The following EDIL3 variants were observed in gnomAD, a reference collection of about 807,000 sequenced individuals.
EDIL3 encodes EGF-like repeat and discoidin I-like domain-containing protein 3.
Under a neutral mutation model 67.4 loss-of-function variants are expected in EDIL3, and 37 were observed. The observed-to-expected ratio is 0.55, with a 90% CI of 0.42 to 0.72. The LOEUF (loss-of-function observed/expected upper bound fraction) is 0.72. Ranked by LOEUF, EDIL3 falls within the 30% of genes least tolerant of loss-of-function variation. The pLI is 0.00. For missense variants in EDIL3, 527 were observed against 586.3 expected, an observed-to-expected ratio of 0.90 and a Z score of 1.04; for synonymous variants, 195 against 196.3, an observed-to-expected ratio of 0.99 and a Z score of 0.05.
intron 5 of EDIL3, among the ~76,000 whole-genome samples, chr5:84,123,458 T>C (rs941282760): frequency 6.6e-6 from 1 of 151,956 alleles, no homozygotes; most frequent in Non-Finnish European, 1.5e-5. Context: ...TGCCTGTATA[T>C]TTCTCTTTTC....
chr5:84,193,816 C>G (rs891747483), intron 3 of EDIL3, among the ~76,000 whole-genome samples: 1 of 151,832 alleles, frequency 6.6e-6, no homozygotes, highest in African/African-American at 2.4e-5. Flanking sequence ...TTTTATGTTT[C>G]TTATGTAACA....
At chr5:84,060,196 T>G in intron 9 of EDIL3, 104 bp downstream of exon 9, 2 of 1,352,512 alleles carry the variant, frequency 1.5e-6, no homozygotes, top group Non-Finnish European at 2.0e-6. Context: ...TGAAGGCACA[T>G]TTAAATTAGC....
chr5:84,278,088 T>C (rs1288659418), intron 1 of EDIL3, among the ~76,000 whole-genome samples: 1 of 152,196 alleles, frequency 6.6e-6, no homozygotes, highest in Non-Finnish European at 1.5e-5. Context: ...GTTGTCTCTA[T>C]TTTATAAATG....
chr5:84,374,471 C>A (rs542396715), intron 1 of EDIL3, among the ~76,000 whole-genome samples: 2 of 152,096 alleles, frequency 1.3e-5, no homozygotes, highest in African/African-American at 2.4e-5. Context: ...AAAATGCTTA[C>A]GAAATTTTAA....
intron 3 of EDIL3, among the ~76,000 whole-genome samples, chr5:84,203,854 A>C (rs1212959590): frequency 6.6e-6 from 1 of 152,222 alleles, no homozygotes; most frequent in Non-Finnish European, 1.5e-5. Flanking sequence ...ATATCCGAAG[A>C]GGGTAAGGAA....
At chr5:84,139,802 T>G (rs1748158135) in intron 4 of EDIL3, among the ~76,000 whole-genome samples, 1 of 152,122 alleles carries the variant, frequency 6.6e-6, no homozygotes, top group Non-Finnish European at 1.5e-5. Flanking sequence ...GAAGAAAAAG[T>G]TTAATTAAGA....
At chr5:84,295,406 TTAC>T (rs1746029599) in intron 1 of EDIL3, among the ~76,000 whole-genome samples, 1 of 151,962 alleles carries the variant, frequency 6.6e-6, no homozygotes, top group Admixed American at 6.6e-5. Flanking sequence ...TTTATCAATA[TTAC>T]CAAAGCAACA....
intron 4 of EDIL3, among the ~76,000 whole-genome samples, chr5:84,141,268 T>C (rs1228310971): frequency 1.3e-5 from 2 of 151,012 alleles, no homozygotes; most frequent in African/African-American, 2.4e-5. Context: ...AAGGTCTTGC[T>C]TCATAAAACA....
In EDIL3 at chr5:83,990,485, CA is replaced by C. The variant is rs555170904; in HGVS notation, c.1138-27126del. Among the ~76,000 whole-genome samples, 252 of 99,230 alleles carry C rather than the reference CA, an allele frequency of 2.5e-3. 2 individuals carry two copies. Among genetic ancestry groups the C allele is most frequent in the Admixed American group, 5.6e-3 (50 of 8,990 alleles). 65.1% of individuals were successfully genotyped at this position (99,230 alleles called of 152,430 possible). A position where few individuals can be genotyped will look rare whatever the true frequency, so the allele number is the denominator to read the frequency against. On this transcript the variant is annotated intron_variant, in intron 9 of 10. Transcript: ENST00000296591. Reference sequence around the variant, plus strand: ...CTGCCGACCGAGTGAGACTCCATCACAAAAAAAAAAAAAAAGAAAGAAAAGA... The same window carrying C: ...CTGCCGACCGAGTGAGACTCCATCACAAAAAAAAAAAAAAGAAAGAAAAGA...
Position 84,152,688 on chromosome 5 carries a change from C to T in EDIL3, c.356-15334G>A, listed in dbSNP as rs189830289. Among the ~76,000 whole-genome samples, 52 of 152,296 alleles carry T rather than the reference C, an allele frequency of 3.4e-4. 1 individual carries two copies. In the East Asian group the frequency reaches 8.7e-3, roughly 25 times the overall value. On this transcript the variant is annotated intron_variant, in intron 4 of 10. Coordinates refer to ENST00000296591, the MANE Select transcript of EDIL3 (RefSeq NM_005711.5). ...ATGCAGCATCTTACTTCCCTACACTCATTAAATCTCCTTCTGCCATGTTTC... is the reference window on the plus strand; with the variant it reads ...ATGCAGCATCTTACTTCCCTACACTTATTAAATCTCCTTCTGCCATGTTTC...
intron 9 of EDIL3, among the ~76,000 whole-genome samples, chr5:84,057,465 C>T (rs773657559): frequency 5.9e-5 from 9 of 151,956 alleles, no homozygotes; most frequent in Non-Finnish European, 4.4e-5. Flanking sequence ...GATACGCAGC[C>T]AATCTGATAC....
At chr5:83,944,041 A>T (rs936766523) in intron 10 of EDIL3, among the ~76,000 whole-genome samples, 8 of 151,998 alleles carry the variant, frequency 5.3e-5, no homozygotes, top group African/African-American at 1.9e-4. Flanking sequence ...GAGAACAAGC[A>T]TGGAAGCAGC....
intron 6 of EDIL3, among the ~76,000 whole-genome samples, chr5:84,070,294 A>G (rs1746714528): frequency 1.3e-5 from 2 of 152,298 alleles, no homozygotes; most frequent in South Asian, 4.1e-4. Context: ...GATTAACATA[A>G]GCTGCCTACA....
At chr5:84,284,477 G>A (rs1580054568) in intron 1 of EDIL3, among the ~76,000 whole-genome samples, 1 of 151,924 alleles carries the variant, frequency 6.6e-6, no homozygotes, top group Non-Finnish European at 1.5e-5. Context: ...CATTCTTCCT[G>A]ACTTTATCAC....
chr5:84,012,945 T>G (rs1745541635), intron 9 of EDIL3, among the ~76,000 whole-genome samples: 1 of 151,956 alleles, frequency 6.6e-6, no homozygotes, highest in Admixed American at 6.6e-5. Flanking sequence ...ATATGAAAAT[T>G]TTATTGTGTT....
At chr5:84,053,560 A>G (rs1746382137) in intron 9 of EDIL3, among the ~76,000 whole-genome samples, 2 of 152,314 alleles carry the variant, frequency 1.3e-5, no homozygotes, top group South Asian at 2.1e-4. Flanking sequence ...ATAGACCGCT[A>G]GCAAGACTAA....
chr5:84,235,708 C>T (rs751714874), intron 2 of EDIL3, among the ~76,000 whole-genome samples: 1 of 151,978 alleles, frequency 6.6e-6, no homozygotes, highest in Non-Finnish European at 1.5e-5. Context: ...AGCTCAGCTG[C>T]TTCATTTTGT....
intron 5 of EDIL3, among the ~76,000 whole-genome samples, chr5:84,114,696 C>T (rs1373850408): frequency 4.6e-5 from 7 of 152,114 alleles, no homozygotes; most frequent in East Asian, 1.9e-4. Flanking sequence ...ATAAATTGCA[C>T]GTGTACCTTA....
intron 5 of EDIL3, among the ~76,000 whole-genome samples, chr5:84,111,748 T>C (rs1747568849): frequency 1.3e-5 from 2 of 152,206 alleles, no homozygotes; most frequent in South Asian, 4.1e-4. Context: ...AAGTCTCATC[T>C]CTGAATGGGA....
Sources: allele counts gnomAD v4.1 joint callset (sites outside exome capture counted in the v4.1 genomes callset), GRCh38; gene constraint gnomAD v4.1.1; transcripts MANE v1.5; gene names NCBI Gene and HGNC (gene_info 2026-07-23, HGNC 2026-07-21).